The following VAT1L variants were observed in gnomAD, a reference collection of about 807,000 sequenced individuals.
VAT1L encodes vesicle amine transport 1 like.
In VAT1L, 34 loss-of-function variants were observed where a neutral mutation model predicts 44.1. The observed-to-expected ratio is 0.77, with a 90% CI of 0.59 to 1.03. The LOEUF (loss-of-function observed/expected upper bound fraction) is 1.03. VAT1L is among the 50% of genes least tolerant of loss of function. The pLI is 0.00. For missense variants in VAT1L, 615 were observed against 538.8 expected, an observed-to-expected ratio of 1.14 and a Z score of -1.40; for synonymous variants, 253 against 202.2, an observed-to-expected ratio of 1.25 and a Z score of -2.13.
At chr16:77,950,409 AACACACACACACACACACACAC>A (rs61168492) in intron 7 of VAT1L, among the ~76,000 whole-genome samples, 1 of 131,432 alleles carries the variant, frequency 7.6e-6, no homozygotes, top group Non-Finnish European at 1.6e-5. Flanking sequence ...ATTCCATCTA[AACACACACACACACACACACAC>A]ACACACACAC....
chr16:77,854,228 T>C (rs1035880117), intron 3 of VAT1L, among the ~76,000 whole-genome samples: 1 of 152,182 alleles, frequency 6.6e-6, no homozygotes, highest in Admixed American at 6.5e-5. Context: ...ATCTCAGCCA[T>C]GCACCCCTGT....
In VAT1L at chr16:77,977,889, C is replaced by A. The variant is rs2056344565; in HGVS notation, c.*194C>A. 3.5e-6 allele frequency: 2 copies of A among 575,768 alleles called. No homozygotes were observed. The highest frequency in any genetic ancestry group is 6.3e-6 in the Non-Finnish European group (2 of 317,774). The allele number at this position is 575,768 out of a possible 1,614,324, so 35.7% of individuals were successfully genotyped here. A position where few individuals can be genotyped will look rare whatever the true frequency, so the allele number is the denominator to read the frequency against. On this transcript the variant is annotated 3_prime_UTR_variant, in exon 9 of 9. Coordinates refer to ENST00000302536, the MANE Select transcript of VAT1L (RefSeq NM_020927.3). ...AATCCCATGCCATGCAGTATTATGT[C>A]CCTCTCCTATCTGTGTATTACACAT...
chr16:77,858,105 G>A (rs2016879924), intron 3 of VAT1L, among the ~76,000 whole-genome samples: 1 of 152,236 alleles, frequency 6.6e-6, no homozygotes, highest in Admixed American at 6.5e-5. Flanking sequence ...GGCCGGTGGA[G>A]ACACAGTCCC....
At chr16:77,826,686 T>C (rs961676193) in intron 3 of VAT1L, among the ~76,000 whole-genome samples, 1 of 152,190 alleles carries the variant, frequency 6.6e-6, no homozygotes, top group African/African-American at 2.4e-5. Context: ...ATGTCTGTCA[T>C]TGGTCTACTG....
chr16:77,896,253 CT>C (rs1346146787), intron 7 of VAT1L, among the ~76,000 whole-genome samples: 4 of 152,172 alleles, frequency 2.6e-5, no homozygotes, highest in Admixed American at 6.5e-5. Flanking sequence ...TGCAAAATTC[CT>C]GGTCACCTTT....
chr16:77,933,905 G>A (rs7201803), intron 7 of VAT1L, among the ~76,000 whole-genome samples: 125,514 of 152,200 alleles, frequency 0.82, 52,005 homozygotes, highest in East Asian at 1. Flanking sequence ...AGGCACAATC[G>A]GGAATCTGGA....
intron 3 of VAT1L, among the ~76,000 whole-genome samples, chr16:77,834,182 C>A (rs1362337012): frequency 6.6e-6 from 1 of 152,136 alleles, no homozygotes; most frequent in Non-Finnish European, 1.5e-5. Flanking sequence ...ATTATCTAGG[C>A]CCTTGCCTTC....
chr16:77,830,677 T>C (rs1283814842), intron 3 of VAT1L, among the ~76,000 whole-genome samples: 1 of 152,150 alleles, frequency 6.6e-6, no homozygotes, highest in Non-Finnish European at 1.5e-5. Flanking sequence ...GTGAGTCCAT[T>C]AAACCTCTTA....
intron 3 of VAT1L, among the ~76,000 whole-genome samples, chr16:77,832,966 G>A (rs189449591): frequency 5.9e-5 from 9 of 152,242 alleles, no homozygotes; most frequent in Non-Finnish European, 5.9e-5. Context: ...CAGCATCACC[G>A]CAGGAGTATA....
Position 77,862,783 on chromosome 16 carries a change from C to T in VAT1L, c.615C>T (p.Pro205=), listed in dbSNP as rs372031304. 9 of 1,613,948 alleles carry T rather than the reference C, an allele frequency of 5.6e-6. No individual in the cohort carries two copies. The highest frequency in any genetic ancestry group is 1.6e-4 in the Middle Eastern group (1 of 6,084). The change falls in exon 4 of 9, where the codon CCC becomes CCT. Residue 205 remains proline, a synonymous_variant. Coordinates refer to ENST00000302536, the MANE Select transcript of VAT1L (RefSeq NM_020927.3). ...QAVAQLCSTV[P]NVTVFGTAST... is the part of the protein sequence containing the mutation. ...TGGCTCAGCTGTGTTCCACTGTCCC[C>T]AACGTGACTGTCTTTGGAACAGCCT...
At chr16:77,895,123 C>CACACACACACACACACACACAT (rs1444617616) in intron 7 of VAT1L, among the ~76,000 whole-genome samples, 1 of 151,780 alleles carries the variant, frequency 6.6e-6, no homozygotes, top group African/African-American at 2.4e-5. Flanking sequence ...CACACTCACA[C>CACACACACACACACACACACAT]ATTTCCGATT....
intron 4 of VAT1L, among the ~76,000 whole-genome samples, chr16:77,871,369 G>A (rs2017030517): frequency 6.6e-6 from 1 of 152,154 alleles, no homozygotes; most frequent in South Asian, 2.1e-4. Context: ...GACGGGGGCA[G>A]GTGGCCTGAA....
intron 5 of VAT1L, among the ~76,000 whole-genome samples, chr16:77,876,696 A>T (rs1486686096): frequency 6.6e-6 from 1 of 152,350 alleles, no homozygotes; most frequent in East Asian, 1.9e-4. Flanking sequence ...AATGGGATAA[A>T]GCAAGACCAA....
intron 7 of VAT1L, among the ~76,000 whole-genome samples, chr16:77,886,390 C>T (rs1322110122): frequency 6.6e-6 from 1 of 152,176 alleles, no homozygotes; most frequent in Non-Finnish European, 1.5e-5. Flanking sequence ...AAGAGATATA[C>T]TTGTCCATGG....
chr16:77,815,266 T>A (rs1418622797), intron 1 of VAT1L, among the ~76,000 whole-genome samples: 1 of 152,236 alleles, frequency 6.6e-6, no homozygotes, highest in Non-Finnish European at 1.5e-5. Context: ...CTTTGACTGC[T>A]TTTTAGAAGG....
At chr16:77,819,393 T>C (rs898342058) in intron 2 of VAT1L, among the ~76,000 whole-genome samples, 4 of 152,106 alleles carry the variant, frequency 2.6e-5, no homozygotes, top group Non-Finnish European at 5.9e-5. Flanking sequence ...TTTTTTCTTT[T>C]TCTTTTTAGA....
chr16:77,914,746 G>A (rs2142488379), intron 7 of VAT1L, among the ~76,000 whole-genome samples: 1 of 152,296 alleles, frequency 6.6e-6, no homozygotes, highest in Non-Finnish European at 1.5e-5. Flanking sequence ...TTCATTGAAT[G>A]AAATTTGTAT....
At chr16:77,936,910 G>C (rs368967553) in intron 7 of VAT1L, among the ~76,000 whole-genome samples, 21 of 149,214 alleles carry the variant, frequency 1.4e-4, no homozygotes, top group African/African-American at 5.1e-4. Context: ...TTTTGAGACG[G>C]AGTCTCGCTC....
At position 77,788,838 on chromosome 16, in the gene VAT1L, G is replaced by C. The variant is rs971704141; in HGVS notation, c.156G>C (p.Gly52=). 6.3e-7 allele frequency: 1 copy of C among 1,579,088 alleles called. No individual in the cohort carries two copies. ...CGGTGGTGCTGGCTGGCTTCGGGGGGCTCAACAAGCTGCGGCTCTTCAGGA... is the reference window on the plus strand; with the variant it reads ...CGGTGGTGCTGGCTGGCTTCGGGGGCCTCAACAAGCTGCGGCTCTTCAGGA... ...MRAVVLAGFG[G]LNKLRLFRKA... Residue 52 remains glycine, a synonymous_variant, in exon 1 of 9, where the codon GGG becomes GGC. Coordinates refer to ENST00000302536, the MANE Select transcript of VAT1L (RefSeq NM_020927.3).
Sources: gnomAD v4.1 joint callset for allele counts (sites outside exome capture counted in the v4.1 genomes callset) on GRCh38, gnomAD v4.1.1 for gene constraint, MANE v1.5 for transcripts, NCBI Gene and HGNC (gene_info 2026-07-23, HGNC 2026-07-21) for gene names.